The following NTM variants were observed in gnomAD, a reference collection of about 807,000 sequenced individuals.
The protein encoded by NTM is neurotrimin.
Under a neutral mutation model 42.1 loss-of-function variants are expected in NTM, and 13 were observed. That is an observed-to-expected ratio of 0.31 (90% CI 0.20 to 0.49). The LOEUF is 0.49. NTM is among the 20% of genes least tolerant of loss of function. NTM has a pLI of 0.99. For missense variants in NTM, 373 were observed against 452.8 expected, an observed-to-expected ratio of 0.82 and a Z score of 1.60; for synonymous variants, 187 against 179.2, an observed-to-expected ratio of 1.04 and a Z score of -0.35.
At chr11:131,783,301 A>G (rs920763672) in intron 1 of NTM, among the ~76,000 whole-genome samples, 2 of 152,180 alleles carry the variant, frequency 1.3e-5, no homozygotes, top group African/African-American at 4.8e-5. Flanking sequence ...ACTACAAAAC[A>G]TTGCTGAGGA....
intron 1 of NTM, among the ~76,000 whole-genome samples, chr11:131,401,832 A>ATATATATATATATATATT (rs1945241124): frequency 1.2e-5 from 1 of 82,238 alleles, no homozygotes; most frequent in Admixed American, 1.1e-4. Context: ...ATATATATAT[A>ATATATATATATATATATT]TATATATATA....
chr11:132,080,419 T>C (rs1037129196), intron 2 of NTM, among the ~76,000 whole-genome samples: 1 of 152,162 alleles, frequency 6.6e-6, no homozygotes, highest in African/African-American at 2.4e-5. Context: ...ATCACTGGGT[T>C]TGAGCATTTG....
intron 1 of NTM, among the ~76,000 whole-genome samples, chr11:131,677,429 G>T (rs565596136): frequency 3.3e-5 from 5 of 152,290 alleles, no homozygotes; most frequent in African/African-American, 9.6e-5. Flanking sequence ...TATCAGCGAG[G>T]TGCCTGAAGC....
intron 1 of NTM, among the ~76,000 whole-genome samples, chr11:131,691,299 C>T (rs555461142): frequency 3.9e-5 from 6 of 152,340 alleles, no homozygotes; most frequent in African/African-American, 1.4e-4. Context: ...TGTTGGCGGC[C>T]GGGGGCCGCG....
chr11:132,158,963 G>T (rs566327826), intron 3 of NTM, among the ~76,000 whole-genome samples: 2 of 152,214 alleles, frequency 1.3e-5, no homozygotes, highest in South Asian at 4.1e-4. Context: ...GCAGGAGAGG[G>T]CCAGATCTCT....
At chr11:132,307,952 C>T in intron 5 of NTM, 129 bp downstream of exon 5, 1 of 798,020 alleles carries the variant, frequency 1.3e-6, no homozygotes. Context: ...CCACTTTCCA[C>T]ACTCTGCTTT....
chr11:132,158,697 C>T (rs147353837), intron 3 of NTM, among the ~76,000 whole-genome samples: 327 of 152,356 alleles, frequency 2.1e-3, no homozygotes, highest in Non-Finnish European at 3.4e-3. Context: ...TCAGTGTTTG[C>T]TCTCTCTTTG....
At chr11:131,915,744 G>T (rs1316875019) in intron 2 of NTM, among the ~76,000 whole-genome samples, 1 of 152,108 alleles carries the variant, frequency 6.6e-6, no homozygotes, top group Non-Finnish European at 1.5e-5. Flanking sequence ...CATTTTACAC[G>T]GCGGCAGATG....
intron 1 of NTM, among the ~76,000 whole-genome samples, chr11:131,720,042 T>G (rs789551): frequency 0.18 from 27,471 of 151,890 alleles, 2,569 homozygotes; most frequent in Middle Eastern, 0.23. Context: ...GGTTCCGGGG[T>G]TGCTTCCTCA....
chr11:131,475,854 C>T (rs1246665795), intron 1 of NTM, among the ~76,000 whole-genome samples: 1 of 151,978 alleles, frequency 6.6e-6, no homozygotes, highest in South Asian at 2.1e-4. Flanking sequence ...AATGATGTTA[C>T]TGTGAAAAGA....
intron 2 of NTM, among the ~76,000 whole-genome samples, chr11:132,081,411 T>C (rs1547894): frequency 0.3 from 45,207 of 152,068 alleles, 7,449 homozygotes; most frequent in African/African-American, 0.43. Context: ...TTTCCTATCC[T>C]AAGAGGATGG....
intron 1 of NTM, among the ~76,000 whole-genome samples, chr11:131,740,036 G>A (rs1039290113): frequency 2.0e-5 from 3 of 152,330 alleles, no homozygotes; most frequent in African/African-American, 7.2e-5. Context: ...GCTTCGCTCT[G>A]ACACTTTACT....
At chr11:131,496,969 T>C (rs1027260720) in intron 1 of NTM, among the ~76,000 whole-genome samples, 1 of 152,130 alleles carries the variant, frequency 6.6e-6, no homozygotes, top group African/African-American at 2.4e-5. Context: ...CTACTGAACC[T>C]AGATGGGAGG....
intron 1 of NTM, among the ~76,000 whole-genome samples, chr11:131,510,221 G>T (rs755125210): frequency 1.3e-5 from 2 of 152,236 alleles, no homozygotes; most frequent in Non-Finnish European, 2.9e-5. Context: ...TGTGGTTCTT[G>T]TCACTCTCGC....
chr11:131,658,060 G>C (rs1000406601), intron 1 of NTM, among the ~76,000 whole-genome samples: 1 of 152,112 alleles, frequency 6.6e-6, no homozygotes, highest in Non-Finnish European at 1.5e-5. Context: ...GGGGTGGGGA[G>C]ATAATCGTGG....
intron 1 of NTM, among the ~76,000 whole-genome samples, chr11:131,759,763 C>G (rs1328964886): frequency 1.3e-5 from 2 of 151,380 alleles, no homozygotes; most frequent in African/African-American, 4.9e-5. Context: ...TTATCCAGGT[C>G]ATTAATTTAC....
intron 2 of NTM, among the ~76,000 whole-genome samples, chr11:132,029,514 G>T (rs966422805): frequency 6.6e-6 from 1 of 151,934 alleles, no homozygotes; most frequent in Non-Finnish European, 1.5e-5. Context: ...GTTGACTTTC[G>T]GTTTGGTCAG....
intron 1 of NTM, among the ~76,000 whole-genome samples, chr11:131,452,247 C>A (rs1447912519): frequency 6.6e-6 from 1 of 152,200 alleles, no homozygotes; most frequent in South Asian, 2.1e-4. Flanking sequence ...GCTGTGCTGC[C>A]GAGCGCCCCG....
chr11:131,664,982 A>G (rs1443528917), intron 1 of NTM, among the ~76,000 whole-genome samples: 2 of 152,146 alleles, frequency 1.3e-5, no homozygotes, highest in African/African-American at 2.4e-5. Context: ...GCTGGGCACC[A>G]GAGGCAGAAC....
Sources: allele counts gnomAD v4.1 joint callset (sites outside exome capture counted in the v4.1 genomes callset), GRCh38; gene constraint gnomAD v4.1.1; transcripts MANE v1.5; gene names NCBI Gene and HGNC (gene_info 2026-07-23, HGNC 2026-07-21).